PDE12: variants seen among roughly 807,000 people sequenced by gnomAD.
The protein encoded by PDE12 is 2',5'-phosphodiesterase 12.
In PDE12, 26 loss-of-function variants were observed where a neutral mutation model predicts 45.4. That is an observed-to-expected ratio of 0.57 (90% CI 0.42 to 0.79). PDE12 has a LOEUF of 0.79. Ranked by LOEUF, PDE12 falls within the 30% of genes least tolerant of loss-of-function variation. PDE12 has a pLI of 0.00. For synonymous variants in PDE12, 283 were observed against 323.9 expected (o/e 0.87, Z 1.36); for missense variants, 668 against 790.0 (o/e 0.85, Z 1.85).
chr3:57,559,502 C>CT (rs2069704079), intron 2 of PDE12, 60 bp from the exon 3 acceptor site: 1 of 1,559,012 alleles, frequency 6.4e-7, no homozygotes, highest in East Asian at 2.2e-5. Flanking sequence ...TGTAGTTTTT[C>CT]TTTTTTAACT....
At chr3:57,624,947 G>T in the PDE12 span, among the ~76,000 whole-genome samples, 3 of 151,934 alleles carry the variant, frequency 2.0e-5, no homozygotes, top group Admixed American at 1.3e-4. Context: ...TCACCCAGGC[G>T]GGAGTGCAGT....
Position 57,556,692 on chromosome 3 carries a change from G to C in PDE12, c.313G>C (p.Gly105Arg), listed in dbSNP as rs1283297931. 2 of 1,595,512 alleles carry C rather than the reference G, an allele frequency of 1.3e-6. No individual in the cohort carries two copies. Among genetic ancestry groups the C allele is most frequent in the African/African-American group, 2.7e-5 (2 of 74,764 alleles). The change falls in exon 1 of 3, where the codon GGT (glycine) becomes CGT (arginine). Residue 105 changes from glycine to arginine, a missense_variant. Gly to Arg is a moderately radical substitution (Grantham distance 125). This residue lies in a region of PDE12 where 580 missense variants were observed against 662.9 expected (regional missense o/e 0.87). Coordinates refer to ENST00000311180, the MANE Select transcript of PDE12 (RefSeq NM_177966.7). The surrounding 1 kb of genome is among the most constrained non-coding windows in gnomAD (Gnocchi z 5.0). ...SRKSRPNASG[G>R]AACSGPGPEP... ...GAAGAGCCGGCCGAATGCTAGCGGC[G>C]GTGCGGCCTGTTCAGGGCCGGGGCC...
At chr3:57,619,313 A>T in the PDE12 span, 2 of 152,834 alleles carry the variant, frequency 1.3e-5, no homozygotes, top group South Asian at 2.1e-4. Context: ...GTGCCACTGC[A>T]CTCCAGCCTG....
chr3:57,586,137 T>G, the PDE12 span, among the ~76,000 whole-genome samples: 1 of 152,236 alleles, frequency 6.6e-6, no homozygotes, highest in Non-Finnish European at 1.5e-5. Context: ...TCTGCAGTGT[T>G]TGCTAAAGCC....
rs1045551117 is a variant in PDE12 at position 57,560,187 on chromosome 3, C to T, written c.*183C>T. ...GTTTGCATCATACATCTTCTCTTTC[C>T]TTGTTTTCCTCTACAATTGGAGGAG... On this transcript the variant is annotated 3_prime_UTR_variant, in exon 3 of 3. Transcript: ENST00000311180. 7.6e-7 allele frequency: 1 copy of T among 1,307,276 alleles called. No individual in the cohort carries two copies. The highest frequency in any genetic ancestry group is 9.7e-7 in the Non-Finnish European group (1 of 1,031,294). 81.0% of individuals were successfully genotyped at this position (1,307,276 alleles called of 1,614,324 possible).
the PDE12 span, chr3:57,577,479 C>A: frequency 1.1e-6 from 1 of 934,640 alleles, no homozygotes; most frequent in Non-Finnish European, 1.7e-6. Flanking sequence ...AATGGTTAGA[C>A]ATTAGGAAGA....
chr3:57,568,858 C>CAAA (rs10718820), downstream of PDE12, among the ~76,000 whole-genome samples: 1 of 119,170 alleles, frequency 8.4e-6, no homozygotes, highest in African/African-American at 3.2e-5. Context: ...ATGTTATGGA[C>CAAA]AAAAAAAAAA....
At chr3:57,651,119 T>C in the PDE12 span, among the ~76,000 whole-genome samples, 32 of 152,072 alleles carry the variant, frequency 2.1e-4, no homozygotes, top group Admixed American at 7.2e-4. Flanking sequence ...ATTAAAAAAA[T>C]GAAGTACAGA....
At chr3:57,631,980 C>A in the PDE12 span, among the ~76,000 whole-genome samples, 1 of 147,424 alleles carries the variant, frequency 6.8e-6, no homozygotes, top group African/African-American at 2.5e-5. Flanking sequence ...CCTCGGCCTC[C>A]CAAAGTGCTG....
the PDE12 span, chr3:57,630,463 G>A: frequency 3.8e-6 from 6 of 1,594,998 alleles, no homozygotes; most frequent in Non-Finnish European, 5.1e-6. Flanking sequence ...CCAATTTTTG[G>A]GTCATTTCCT....
At chr3:57,597,319 G>A in the PDE12 span, 2 of 581,052 alleles carry the variant, frequency 3.4e-6, no homozygotes, top group South Asian at 2.0e-5. Context: ...ACAGGAATAA[G>A]CCGGTAGAGG....
chr3:57,626,288 G>T, the PDE12 span: 1 of 152,480 alleles, frequency 6.6e-6, no homozygotes, highest in African/African-American at 2.4e-5. Context: ...GAGTTATATC[G>T]ACAGAGAACA....
the PDE12 span, among the ~76,000 whole-genome samples, chr3:57,612,989 T>G: frequency 6.6e-6 from 1 of 152,140 alleles, no homozygotes; most frequent in Non-Finnish European, 1.5e-5. Flanking sequence ...AAAACCTTTT[T>G]CTTTTTTTGG....
chr3:57,637,818 TAA>T, the PDE12 span, among the ~76,000 whole-genome samples: 694 of 112,246 alleles, frequency 6.2e-3, 4 homozygotes, highest in African/African-American at 0.022. Flanking sequence ...AAAAAATAAA[TAA>T]ATAAGACTAT....
At chr3:57,634,437 A>C in the PDE12 span, 1 of 263,336 alleles carries the variant, frequency 3.8e-6, no homozygotes, top group Non-Finnish European at 6.3e-6. Context: ...TGTCTCCCAA[A>C]AAAAAAAAAA....
At chr3:57,579,292 C>T in the PDE12 span, among the ~76,000 whole-genome samples, 1 of 137,976 alleles carries the variant, frequency 7.2e-6, no homozygotes, top group Non-Finnish European at 1.6e-5. Context: ...ATTACATCCA[C>T]TAAGGGCAAA....
rs2069721704 is a variant in PDE12 at position 57,560,839 on chromosome 3, G to T, written c.*835G>T. ...AGGTGAGAGACTTGACACATGGAAG[G>T]AGTAACATTAGGGTCTACCTCTACC... On this transcript the variant is annotated 3_prime_UTR_variant, in exon 3 of 3. Transcript: ENST00000311180. 1.0e-6 allele frequency: 1 copy of T among 985,220 alleles called. No individual in the cohort carries two copies. The highest frequency in any genetic ancestry group is 1.2e-6 in the Non-Finnish European group (1 of 829,398). 61.0% of individuals were successfully genotyped at this position (985,220 alleles called of 1,614,324 possible).
the PDE12 span, among the ~76,000 whole-genome samples, chr3:57,611,530 CTT>C: frequency 6.6e-6 from 1 of 151,834 alleles, no homozygotes; most frequent in Non-Finnish European, 1.5e-5. Context: ...CTTAAACAAA[CTT>C]AACAGGAAAA....
At chr3:57,567,849 C>T (rs2069800043), downstream of PDE12, among the ~76,000 whole-genome samples, 1 of 151,844 alleles carries the variant, frequency 6.6e-6, no homozygotes, top group East Asian at 1.9e-4. Flanking sequence ...GTAATCCCAC[C>T]TGAGGTCAGG....
Sources: gnomAD v4.1 joint callset for allele counts (sites outside exome capture counted in the v4.1 genomes callset) on GRCh38, gnomAD v4.1.1 for gene constraint, gnomAD v4.1.1 regional missense constraint, Gnocchi (gnomAD v3.1) non-coding constraint, MANE v1.5 for transcripts, NCBI Gene and HGNC (gene_info 2026-07-23, HGNC 2026-07-21) for gene names.